Variants in GRM8 observed in about 807,000 individuals in gnomAD.
GRM8 encodes the protein metabotropic glutamate receptor 8.
A neutral mutation model predicts 87.2 loss-of-function variants in GRM8; 47 were observed. The ratio of observed to expected loss-of-function variants is 0.54; its 90% confidence interval spans 0.43 to 0.69. The LOEUF is 0.69. Among genes scored for constraint, GRM8 ranks in the 30% least tolerant of loss-of-function variants. The pLI is 0.00. For missense variants in GRM8, 1,019 were observed against 1,139.2 expected, an observed-to-expected ratio of 0.89 and a Z score of 1.52; for synonymous variants, 396 against 404.5, an observed-to-expected ratio of 0.98 and a Z score of 0.25.
At chr7:126,658,160 G>A (rs1490491197) in intron 7 of GRM8, among the ~76,000 whole-genome samples, 1 of 152,224 alleles carries the variant, frequency 6.6e-6, no homozygotes, top group African/African-American at 2.4e-5. Flanking sequence ...ATTCAGCTGA[G>A]TGAAGTTGAT....
intron 3 of GRM8, among the ~76,000 whole-genome samples, chr7:126,913,286 A>G (rs1274876904): frequency 2.6e-5 from 4 of 152,232 alleles, no homozygotes; most frequent in Admixed American, 2.0e-4. Flanking sequence ...TAAATTCTAC[A>G]TAAATCAACT....
At chr7:127,038,767 T>A (rs182128613) in intron 3 of GRM8, among the ~76,000 whole-genome samples, 9 of 152,042 alleles carry the variant, frequency 5.9e-5, no homozygotes, top group African/African-American at 2.2e-4. Context: ...TAAAATGGAG[T>A]GGTAGGTATT....
chr7:126,692,501 G>C (rs1808937240), intron 7 of GRM8, among the ~76,000 whole-genome samples: 2 of 152,146 alleles, frequency 1.3e-5, no homozygotes, highest in South Asian at 4.1e-4. Context: ...GAGAATGGAG[G>C]GGACTATCTT....
chr7:126,624,118 A>G (rs955614487), intron 7 of GRM8, among the ~76,000 whole-genome samples: 1 of 151,870 alleles, frequency 6.6e-6, no homozygotes, highest in Non-Finnish European at 1.5e-5. Context: ...ACAACAATCC[A>G]CTCTCTACCC....
At chr7:127,202,763 T>C (rs1795684017) in intron 2 of GRM8, among the ~76,000 whole-genome samples, 1 of 152,140 alleles carries the variant, frequency 6.6e-6, no homozygotes, top group Admixed American at 6.6e-5. Context: ...AAAATATCCA[T>C]TTATTCACTT....
In GRM8 at chr7:126,547,739, C is replaced by T. The variant is rs1817317932; in HGVS notation, c.1495-13852G>A. On this transcript the variant is annotated intron_variant, in intron 8 of 10. Coordinates refer to ENST00000339582, the MANE Select transcript of GRM8 (RefSeq NM_000845.3). ...TTAAACAAAAATATCAAAATTTTTC[C>T]AGAATGAAAGTATATGAAATTCTAG... is the stretch of plus-strand genomic sequence containing the variant. 1.3e-5 allele frequency among the ~76,000 whole-genome samples: 2 copies of T among 151,594 alleles called. 1 individual carries two copies. Among genetic ancestry groups the T allele is most frequent in the Non-Finnish European group, 2.9e-5 (2 of 67,906 alleles).
Position 127,182,632 on chromosome 7 carries a change from GGTGTGTGTGTGTGTGTGTGTGT to G in GRM8, c.510+60041_510+60062del, listed in dbSNP as rs35530710. On this transcript the variant is annotated intron_variant, in intron 2 of 10. Transcript: ENST00000339582. ...ATCAATGAGTAGATAAAGAAAGTGT[GGTGTGTGTGTGTGTGTGTGTGT>G]GTGTGTGTGTGTGTGTGTGTGTGTG... is the stretch of plus-strand genomic sequence containing the variant. Among the ~76,000 whole-genome samples the G allele has an allele frequency of 3.7e-3, 522 of 141,820 alleles. 5 individuals are homozygous for G. The highest frequency in any genetic ancestry group is 0.011 in the African/African-American group (446 of 38,808). 93.0% of individuals were successfully genotyped at this position (141,820 alleles called of 152,430 possible). A position where few individuals can be genotyped will look rare whatever the true frequency, so the allele number is the denominator to read the frequency against.
intron 7 of GRM8, among the ~76,000 whole-genome samples, chr7:126,717,313 A>G (rs541525188): frequency 6.6e-6 from 1 of 152,276 alleles, no homozygotes; most frequent in South Asian, 2.1e-4. Context: ...ACTGACAGGA[A>G]GGTCGAGGCT....
At chr7:126,906,506 C>A (rs556781305) in intron 3 of GRM8, among the ~76,000 whole-genome samples, 1 of 152,058 alleles carries the variant, frequency 6.6e-6, no homozygotes, top group Admixed American at 6.5e-5. Flanking sequence ...ATTTATTATG[C>A]ATTTCAAAGA....
At chr7:126,674,132 C>G (rs1806691880) in intron 7 of GRM8, among the ~76,000 whole-genome samples, 2 of 152,284 alleles carry the variant, frequency 1.3e-5, no homozygotes, top group Middle Eastern at 3.4e-3. Flanking sequence ...TATTTTCTTT[C>G]CCTACTCACG....
intron 7 of GRM8, among the ~76,000 whole-genome samples, chr7:126,654,056 G>A (rs1804236802): frequency 6.6e-6 from 1 of 152,196 alleles, no homozygotes; most frequent in Non-Finnish European, 1.5e-5. Flanking sequence ...AAGAGGAAAT[G>A]TCATCCATTA....
chr7:126,590,023 G>A (rs1248092051), intron 8 of GRM8, among the ~76,000 whole-genome samples: 1 of 151,918 alleles, frequency 6.6e-6, no homozygotes, highest in South Asian at 2.1e-4. Context: ...TCCAAAGCAT[G>A]AAGAAAGTCT....
chr7:126,577,425 C>A (rs1445260777), intron 8 of GRM8, among the ~76,000 whole-genome samples: 1 of 152,140 alleles, frequency 6.6e-6, no homozygotes, highest in African/African-American at 2.4e-5. Flanking sequence ...TACTCTTAAT[C>A]TCAGAGTAGT....
chr7:127,134,705 G>A (rs779137482), intron 2 of GRM8, among the ~76,000 whole-genome samples: 6 of 151,982 alleles, frequency 3.9e-5, no homozygotes, highest in Admixed American at 3.9e-4. Context: ...CATATTTCCT[G>A]GTCTGTTAAC....
At chr7:126,830,583 T>C (rs535303892) in intron 6 of GRM8, among the ~76,000 whole-genome samples, 1 of 152,332 alleles carries the variant, frequency 6.6e-6, no homozygotes, top group South Asian at 2.1e-4. Context: ...TCTGTATTGG[T>C]TATTCTAGTT....
chr7:126,604,786 G>C (rs1293618397), intron 8 of GRM8, among the ~76,000 whole-genome samples: 1 of 152,092 alleles, frequency 6.6e-6, no homozygotes, highest in Non-Finnish European at 1.5e-5. Context: ...GAGGCTCAAA[G>C]CTCAGTATCC....
At chr7:126,947,952 TG>T (rs2131584959) in intron 3 of GRM8, among the ~76,000 whole-genome samples, 1 of 152,344 alleles carries the variant, frequency 6.6e-6, no homozygotes, top group South Asian at 2.1e-4. Flanking sequence ...TGAAAGGTCC[TG>T]TGATTTGCCA....
intron 3 of GRM8, among the ~76,000 whole-genome samples, chr7:127,011,377 T>C (rs991799609): frequency 1.3e-5 from 2 of 152,158 alleles, no homozygotes; most frequent in African/African-American, 4.8e-5. Flanking sequence ...ACTACATAAA[T>C]TAAAATTGTT....
chr7:126,828,065 C>G (rs1449118733), intron 6 of GRM8, among the ~76,000 whole-genome samples: 1 of 152,170 alleles, frequency 6.6e-6, no homozygotes, highest in Non-Finnish European at 1.5e-5. Context: ...ATGAATCCCA[C>G]TTGATCATGG....
Sources: allele counts gnomAD v4.1 joint callset (sites outside exome capture counted in the v4.1 genomes callset), GRCh38; gene constraint gnomAD v4.1.1; transcripts MANE v1.5; gene names NCBI Gene and HGNC (gene_info 2026-07-23, HGNC 2026-07-21).